Variants in MRPL46 observed in about 807,000 individuals in gnomAD.
MRPL46 encodes large ribosomal subunit protein mL46.
In MRPL46, 26 loss-of-function variants were observed where a neutral mutation model predicts 31.0. The ratio of observed to expected loss-of-function variants is 0.84; its 90% CI spans 0.61 to 1.16. MRPL46 has a LOEUF of 1.16. Ranked by LOEUF, MRPL46 falls within the 50% of genes most tolerant of loss-of-function variation. The probability of loss-of-function intolerance (pLI) is 0.00; values close to 1 mark genes in which losing one functional copy is unlikely to be tolerated. For synonymous variants in MRPL46, 159 were observed against 141.3 expected (o/e 1.13, Z -0.89); for missense variants, 395 against 340.0 (o/e 1.16, Z -1.27).
At chr15:88,462,856 CA>C (rs1196125715) in intron 3 of MRPL46, 3 of 152,152 alleles carry the variant, frequency 2.0e-5, no homozygotes, top group African/African-American at 7.2e-5. Flanking sequence ...TGTAATAAGT[CA>C]ATACACTATT....
intron 1 of MRPL46, 71 bp from the exon 2 acceptor site, chr15:88,465,844 A>G: frequency 7.1e-7 from 1 of 1,418,022 alleles, no homozygotes; most frequent in Non-Finnish European, 9.4e-7. Flanking sequence ...AACAGGAAGA[A>G]TAAAACAGAG....
Position 88,465,713 on chromosome 15 carries a change from G to C in MRPL46, c.289C>G (p.Arg97Gly). The change falls in exon 2 of 4, where the codon CGA (arginine) becomes GGA (glycine). Residue 97 changes from arginine (R) to glycine (G), a missense_variant. Physicochemically the swap from Arg to Gly is moderately radical, Grantham distance 125. Coordinates refer to ENST00000312475, the MANE Select transcript of MRPL46 (RefSeq NM_022163.4). ...HELRALDENQ[R>G]LAKKKADLHD... ...AGGTCAGCTTTCTTCTTTGCCAGTCGCTGGTTTTCATCCAGAGCACGAAGC... is the reference window on the plus strand; with the variant it reads ...AGGTCAGCTTTCTTCTTTGCCAGTCCCTGGTTTTCATCCAGAGCACGAAGC... 1 of 1,613,554 alleles carries C rather than the reference G, an allele frequency of 6.2e-7. No individual in the cohort carries two copies. Among genetic ancestry groups the C allele is most frequent in the Non-Finnish European group, 8.5e-7 (1 of 1,179,906 alleles).
At chr15:88,464,555 G>C in intron 3 of MRPL46, 148 bp downstream of exon 3, 1 of 828,612 alleles carries the variant, frequency 1.2e-6, no homozygotes, top group East Asian at 3.1e-5. Flanking sequence ...CCTTACCTGG[G>C]TTTTTCTGGC....
intron 3 of MRPL46, chr15:88,462,556 G>A (rs1327775491): frequency 1.3e-5 from 2 of 152,202 alleles, no homozygotes; most frequent in African/African-American, 4.8e-5. Flanking sequence ...ACTATTTCAT[G>A]TGTCAGTGAG....
chr15:88,464,837 T>C lies in MRPL46; in HGVS notation c.455A>G (p.Lys152Arg), dbSNP rs951568470. Residue 152 changes from lysine (K) to arginine (R), a missense_variant, in exon 3 of 4, where the codon AAG becomes AGG. Transcript: ENST00000312475. ...TAACAGGACAAGGTTCCTGTCTAGC[T>C]TCCTGTTCAGGGATGTTCGGTCATT... ...EKNDRTSLNR[K>R]LDRNLVLLVR... 3.7e-6 allele frequency: 6 copies of C among 1,614,048 alleles called. No homozygotes were observed. Among genetic ancestry groups the C allele is most frequent in the East Asian group, 2.2e-5 (1 of 44,894 alleles).
intron 1 of MRPL46, 96 bp downstream of exon 1, chr15:88,467,054 G>A (rs919990012): frequency 6.0e-6 from 8 of 1,340,418 alleles, no homozygotes; most frequent in Non-Finnish European, 8.3e-6. Context: ...ACCATTCTGC[G>A]GATAAGTACC....
At position 88,465,664 on chromosome 15, in the gene MRPL46, T is replaced by A. The variant is rs966676639; in HGVS notation, c.338A>T (p.Asp113Val). ...ADLHDEEDEQ[D>V]ILLAQDLEDM... ...TTCCAAATCTTGCGCCAGCAATATA[T>A]CCTGTTCATCTTCTTCATCATGAAG... is the stretch of plus-strand genomic sequence containing the variant. Residue 113 changes from aspartate to valine, a missense_variant, in exon 2 of 4, where the codon GAT (aspartate) becomes GTT (valine). Asp to Val is a radical substitution (Grantham distance 152, BLOSUM62 -3). Coordinates refer to ENST00000312475, the MANE Select transcript of MRPL46 (RefSeq NM_022163.4). 3.1e-6 allele frequency: 5 copies of A among 1,613,724 alleles called. No individual in the cohort carries two copies. In the South Asian group the frequency reaches 5.5e-5, roughly 18 times the overall value.
At chr15:88,464,507 T>C (rs1471855531) in intron 3 of MRPL46, 196 bp downstream of exon 3, 1 of 558,288 alleles carries the variant, frequency 1.8e-6, no homozygotes, top group African/African-American at 2.0e-5. Context: ...GATTCTCACC[T>C]GGTCTAAAAA....
intron 3 of MRPL46, chr15:88,460,337 T>C (rs1254210176): frequency 6.1e-6 from 1 of 162,978 alleles, no homozygotes; most frequent in Non-Finnish European, 1.3e-5. Context: ...GACGAGGACA[T>C]TTGGTCTGTA....
At chr15:88,460,067 A>C (rs1044705125) in intron 3 of MRPL46, 4 of 608,136 alleles carry the variant, frequency 6.6e-6, no homozygotes, top group Non-Finnish European at 8.5e-6. Flanking sequence ...GTCCAGATTC[A>C]CCAGGCTCAC....
intron 3 of MRPL46, 168 bp downstream of exon 3, chr15:88,464,535 T>A (rs1429303925): frequency 1.8e-5 from 12 of 662,722 alleles, no homozygotes; most frequent in South Asian, 1.5e-4. Flanking sequence ...AAAAAAAAAA[T>A]AAAAAAAATC....
chr15:88,459,571 T>C lies in MRPL46; in HGVS notation c.*42A>G. On this transcript the variant is annotated 3_prime_UTR_variant, in exon 4 of 4. Transcript: ENST00000312475. ...TCACACAATGTCCTTGAGGCTCTAA[T>C]CCCAGACTTGTCTGAGCACCGTCCA... 6.2e-7 allele frequency: 1 copy of C among 1,611,280 alleles called. No individual in the cohort carries two copies. The highest frequency in any genetic ancestry group is 8.5e-7 in the Non-Finnish European group (1 of 1,179,010).
rs982197591 is a variant in MRPL46, at chr15:88,463,260, T to C, written c.589+1443A>G. The C allele has an allele frequency of 2.0e-5, 3 of 152,220 alleles. No homozygotes were observed. Among genetic ancestry groups the C allele is most frequent in the African/African-American group, 7.2e-5 (3 of 41,456 alleles). 9.4% of individuals were successfully genotyped at this position (152,220 alleles called of 1,614,324 possible). ...TTTCGTTAGCAGGTACTTGTGCTGATGGGAGGGCAGGTAAAGTGGCTGTGC... is the reference window on the plus strand; with the variant it reads ...TTTCGTTAGCAGGTACTTGTGCTGACGGGAGGGCAGGTAAAGTGGCTGTGC... On this transcript the variant is annotated intron_variant, in intron 3 of 3. Coordinates refer to ENST00000312475, the MANE Select transcript of MRPL46 (RefSeq NM_022163.4). This position sits in a 1 kb window ranked among gnomAD's most constrained non-coding sequence, Gnocchi z 5.4.
Position 88,464,753 on chromosome 15 carries a change from G to A in MRPL46, c.539C>T (p.Pro180Leu), listed in dbSNP as rs764958997. 5 of 1,613,964 alleles carry A rather than the reference G, an allele frequency of 3.1e-6. No individual in the cohort carries two copies. Among genetic ancestry groups the A allele is most frequent in the Admixed American group, 3.3e-5 (2 of 59,996 alleles). Residue 180 changes from proline to leucine, a missense_variant, in exon 3 of 4, where the codon CCT becomes CTT. Pro to Leu is a moderately conservative substitution (Grantham distance 98). Transcript: ENST00000312475. ...AGCTGTTCCTCGAAGGGTCTCCCCA[G>A]GCTGCCACTCTGCCTGGGGCAGTAT... is the stretch of plus-strand genomic sequence containing the variant. ...VWILPQAEWQPGETLRGTAER... is the reference protein window; with the variant it reads ...VWILPQAEWQLGETLRGTAER...
chr15:88,464,924 A>G (rs1291820197), intron 2 of MRPL46, 48 bp from the exon 3 acceptor site: 1 of 1,563,662 alleles, frequency 6.4e-7, no homozygotes, highest in Non-Finnish European at 8.7e-7. Context: ...GATCTGCCAG[A>G]ACCAAGAAAC....
intron 3 of MRPL46, 190 bp downstream of exon 3, chr15:88,464,513 A>G: frequency 1.7e-6 from 1 of 591,016 alleles, no homozygotes; most frequent in South Asian, 2.3e-5. Context: ...CACCTGGTCT[A>G]AAAATAAAAA....
intron 1 of MRPL46, among the ~76,000 whole-genome samples, chr15:88,466,556 AAGCG>A (rs1354762473): frequency 6.6e-6 from 1 of 152,242 alleles, no homozygotes; most frequent in African/African-American, 2.4e-5. Flanking sequence ...AATATTTGTC[AAGCG>A]AGCGAGTAAA....
chr15:88,460,185 C>T (rs1164366710), intron 3 of MRPL46: 1 of 295,030 alleles, frequency 3.4e-6, no homozygotes, highest in East Asian at 7.5e-5. Flanking sequence ...TCGCTATCTG[C>T]TGGCGAATCA....
At chr15:88,465,221 A>C (rs866405894) in intron 2 of MRPL46, 5 of 414,166 alleles carry the variant, frequency 1.2e-5, no homozygotes, top group Middle Eastern at 1.2e-3. Context: ...TCTGTTCTTC[A>C]GTCTTCATCT....
Sources: gnomAD v4.1 joint callset for allele counts (sites outside exome capture counted in the v4.1 genomes callset) on GRCh38, gnomAD v4.1.1 for gene constraint, Gnocchi (gnomAD v3.1) non-coding constraint, MANE v1.5 for transcripts, NCBI Gene and HGNC (gene_info 2026-07-23, HGNC 2026-07-21) for gene names.